NLGN4X: variants seen among roughly 807,000 people sequenced by gnomAD.
The protein encoded by NLGN4X is neuroligin-4, X-linked.
In NLGN4X, 3 loss-of-function variants were observed where a neutral mutation model predicts 40.3. The observed-to-expected ratio is 0.07, with a 90% CI of 0.03 to 0.19. The LOEUF is 0.19. NLGN4X is among the 10% of genes least tolerant of loss of function. NLGN4X has a pLI of 1.00. For synonymous variants in NLGN4X, 270 were observed against 306.8 expected (o/e 0.88, Z 1.25); for missense variants, 382 against 708.3 (o/e 0.54, Z 5.23).
At chrX:5,963,322 T>A (rs1230461363) in intron 3 of NLGN4X, among the ~76,000 whole-genome samples, 1 of 111,342 alleles carries the variant, frequency 9.0e-6, no homozygotes, top group Non-Finnish European at 1.9e-5. Flanking sequence ...GAAAGAAAGG[T>A]GATCTTTGCT....
intron 3 of NLGN4X, among the ~76,000 whole-genome samples, chrX:5,938,966 CGTGTGT>C (rs60927853): frequency 1.8e-4 from 18 of 101,963 alleles, no homozygotes; most frequent in African/African-American, 4.0e-4. Flanking sequence ...TGTGTGTGTG[CGTGTGT>C]GTGTGTGTGT....
chrX:5,909,364 C>T lies in NLGN4X; in HGVS notation c.626-125G>A, dbSNP rs982924947. The T allele has an allele frequency of 1.1e-5, 9 of 806,647 alleles. No individual in the cohort carries two copies. The African/African-American group carries it at 1.2e-4, about 11-fold the overall frequency. 66.5% of individuals were successfully genotyped at this position (806,647 alleles called of 1,213,427 possible). A position where few individuals can be genotyped will look rare whatever the true frequency, so the allele number is the denominator to read the frequency against. ...TCTCTCTCCTCAACTCTCACCCCCA[C>T]CAATTAGAGGAAGAACAGGAGAAAA... is the stretch of plus-strand genomic sequence containing the variant. On this transcript the variant is annotated intron_variant, in intron 3 of 5. Coordinates refer to ENST00000381095, the MANE Select transcript of NLGN4X (RefSeq NM_181332.3).
chrX:5,966,925 G>T (rs1252498227), intron 3 of NLGN4X, among the ~76,000 whole-genome samples: 1 of 112,197 alleles, frequency 8.9e-6, no homozygotes, highest in African/African-American at 3.2e-5. Flanking sequence ...ACCTACACCA[G>T]ATAGTAGATG....
At chrX:6,220,110 T>C (rs141877583) in intron 1 of NLGN4X, among the ~76,000 whole-genome samples, 3 of 111,263 alleles carry the variant, frequency 2.7e-5, no homozygotes, top group African/African-American at 9.8e-5. Context: ...TATTTCAGCA[T>C]TTTTAAGGCA....
intron 1 of NLGN4X, among the ~76,000 whole-genome samples, chrX:6,179,101 A>AGGAAGGAAGGAAGGAAGGAAGGAAGGAT: frequency 9.6e-6 from 1 of 104,045 alleles, no homozygotes; most frequent in Non-Finnish European, 2.0e-5. Flanking sequence ...CCTGAAAAAA[A>AGGAAGGAAGGAAGGAAGGAAGGAAGGAT]GGAAGGAAGG....
intron 2 of NLGN4X, among the ~76,000 whole-genome samples, chrX:6,080,769 A>G (rs1179335565): frequency 1.8e-5 from 2 of 111,986 alleles, no homozygotes; most frequent in African/African-American, 6.5e-5. Context: ...TTAGTGTATT[A>G]AAGACCTAAA....
At chrX:6,185,892 G>T (rs771398798) in intron 1 of NLGN4X, among the ~76,000 whole-genome samples, 24 of 111,374 alleles carry the variant, frequency 2.2e-4, no homozygotes, top group Non-Finnish European at 3.4e-4. Context: ...GTTGTTGAAC[G>T]CCACTGAATC....
At chrX:5,971,306 T>C (rs1016280247) in intron 3 of NLGN4X, among the ~76,000 whole-genome samples, 6 of 110,565 alleles carry the variant, frequency 5.4e-5, no homozygotes, top group African/African-American at 2.0e-4. Context: ...CCTAACTCCA[T>C]GCTTGGCAGA....
In NLGN4X at chrX:6,128,728, A is replaced by C. The variant is rs188398023; in HGVS notation, c.472+22267T>G. Among the ~76,000 whole-genome samples, 610 of 112,311 alleles carry C rather than the reference A, an allele frequency of 5.4e-3. 5 individuals carry two copies. The highest frequency in any genetic ancestry group is 7.8e-3 in the Non-Finnish European group (415 of 53,264). ...CTACCTGTTGGGTACCATGTTCGCT[A>C]CCTGGGTAATGGGATCTATACCCCA... On this transcript the variant is annotated intron_variant, in intron 2 of 5. Coordinates refer to ENST00000381095, the MANE Select transcript of NLGN4X (RefSeq NM_181332.3).
At position 6,091,822 on chromosome X, in the gene NLGN4X, C is replaced by A. The variant is rs143873998; in HGVS notation, c.472+59173G>T. ...TTAGCTCATAGGATAAGAACATGTA[C>A]GAACTGGGTCTCACCATTGAGTAAG... On this transcript the variant is annotated intron_variant, in intron 2 of 5. Coordinates refer to ENST00000381095, the MANE Select transcript of NLGN4X (RefSeq NM_181332.3). Among the ~76,000 whole-genome samples the A allele has an allele frequency of 4.2e-3, 471 of 111,529 alleles. 1 individual carries two copies. The highest frequency in any genetic ancestry group is 0.015 in the African/African-American group (451 of 30,736).
Position 5,981,772 on chromosome X carries a change from T to G in NLGN4X, c.625+47508A>C, listed in dbSNP as rs142670210. On this transcript the variant is annotated intron_variant, in intron 3 of 5. Transcript: ENST00000381095. Reference sequence around the variant, plus strand: ...AAGGGTATTATTTACTGAATAATTATAGTATACAAAGAAGTTTGCTAGGCC... The same window carrying G: ...AAGGGTATTATTTACTGAATAATTAGAGTATACAAAGAAGTTTGCTAGGCC... 5.4e-5 allele frequency among the ~76,000 whole-genome samples: 6 copies of G among 110,688 alleles called. No homozygotes were observed. In the South Asian group the frequency reaches 2.3e-3, roughly 42 times the overall value.
intron 2 of NLGN4X, among the ~76,000 whole-genome samples, chrX:6,083,738 T>C (rs185701263): frequency 8.9e-6 from 1 of 112,046 alleles, no homozygotes; most frequent in Admixed American, 9.4e-5. Context: ...GACACACTGG[T>C]ATATGGGGCA....
chrX:6,134,144 C>A (rs903928352), intron 2 of NLGN4X, among the ~76,000 whole-genome samples: 1 of 111,484 alleles, frequency 9.0e-6, no homozygotes, highest in African/African-American at 3.3e-5. Flanking sequence ...GCACATCTGT[C>A]AATATTCTCT....
chrX:6,212,864 C>T (rs1186442275), intron 1 of NLGN4X, among the ~76,000 whole-genome samples: 2 of 111,914 alleles, frequency 1.8e-5, no homozygotes, highest in African/African-American at 6.5e-5. Context: ...TGGAATAAGT[C>T]ACAGCAATGT....
intron 2 of NLGN4X, among the ~76,000 whole-genome samples, chrX:6,050,825 C>A (rs1372019110): frequency 1.0e-5 from 1 of 96,491 alleles, no homozygotes; most frequent in Non-Finnish European, 2.1e-5. Flanking sequence ...CTATATCTAT[C>A]AACCTACCTA....
chrX:6,214,269 C>T (rs1346186936), intron 1 of NLGN4X, among the ~76,000 whole-genome samples: 1 of 111,604 alleles, frequency 9.0e-6, no homozygotes, highest in Non-Finnish European at 1.9e-5. Flanking sequence ...TGAACCAGCC[C>T]TCTGAGAAAG....
At chrX:6,097,286 TCA>T (rs2038803443) in intron 2 of NLGN4X, among the ~76,000 whole-genome samples, 1 of 109,756 alleles carries the variant, frequency 9.1e-6, no homozygotes, top group African/African-American at 3.3e-5. Flanking sequence ...TTTGAAATAT[TCA>T]CACAGTGTAC....
chrX:6,132,054 C>G (rs1196729419), intron 2 of NLGN4X, among the ~76,000 whole-genome samples: 1 of 111,666 alleles, frequency 9.0e-6, no homozygotes, highest in Non-Finnish European at 1.9e-5. Context: ...CCCACATTGC[C>G]AAATGTACAC....
intron 2 of NLGN4X, among the ~76,000 whole-genome samples, chrX:6,087,253 A>AT (rs2038520094): frequency 1.8e-5 from 2 of 111,331 alleles, no homozygotes; most frequent in Admixed American, 1.9e-4. Flanking sequence ...TAATTTGTTT[A>AT]TTTTTTGACT....
Sources: gnomAD v4.1 joint callset for allele counts (sites outside exome capture counted in the v4.1 genomes callset) on GRCh38, gnomAD v4.1.1 for gene constraint, MANE v1.5 for transcripts, NCBI Gene and HGNC (gene_info 2026-07-23, HGNC 2026-07-21) for gene names.